The following STOX1 variants were observed in gnomAD, a reference collection of about 807,000 sequenced individuals.
STOX1 encodes the protein storkhead box 1, also known as storkhead-box protein 1.
STOX1 carries 57 observed loss-of-function variants against 74.8 expected under a neutral mutation model. The observed-to-expected ratio is 0.76, with a 90% CI of 0.62 to 0.95. The LOEUF (loss-of-function observed/expected upper bound fraction) is 0.95, where lower values mean the gene tolerates loss of function less well. Among genes scored for constraint, STOX1 ranks in the 40% least tolerant of loss-of-function variants. The probability of loss-of-function intolerance (pLI) is 0.00; values close to 1 mark genes in which losing one functional copy is unlikely to be tolerated. For missense variants in STOX1, 1,010 were observed against 1,117.0 expected (o/e 0.90, Z 1.37); for synonymous variants, 375 against 401.3 (o/e 0.93, Z 0.78).
At chr10:68,850,374 G>A (rs528382604) in intron 1 of STOX1, among the ~76,000 whole-genome samples, 61 of 152,256 alleles carry the variant, frequency 4.0e-4, no homozygotes, top group African/African-American at 1.4e-3. Flanking sequence ...ATATTTGCTG[G>A]TTGAAAGCCT....
At chr10:68,878,564 G>A (rs190235192) in intron 1 of STOX1, among the ~76,000 whole-genome samples, 1 of 152,280 alleles carries the variant, frequency 6.6e-6, no homozygotes, top group East Asian at 1.9e-4. Flanking sequence ...TCATTCCCAG[G>A]CTGCAGAAGC....
At chr10:68,858,843 C>T (rs1840191828) in intron 1 of STOX1, among the ~76,000 whole-genome samples, 1 of 152,088 alleles carries the variant, frequency 6.6e-6, no homozygotes, top group Non-Finnish European at 1.5e-5. Flanking sequence ...GGCAAGGCTG[C>T]AGTTTCTGTG....
intron 1 of STOX1, among the ~76,000 whole-genome samples, chr10:68,848,856 G>A (rs35879464): frequency 0.095 from 14,416 of 152,194 alleles, 897 homozygotes; most frequent in Admixed American, 0.16. Context: ...TTCCTGTAGA[G>A]TTGAGTTCTT....
chr10:68,853,151 C>G lies in STOX1; in HGVS notation c.310+25218C>G, dbSNP rs1050772459. Among the ~76,000 whole-genome samples, 3 of 152,198 alleles carry G rather than the reference C, an allele frequency of 2.0e-5. No individual in the cohort carries two copies. In the South Asian group the frequency reaches 6.2e-4, roughly 32 times the overall value. Reference sequence around the variant, plus strand: ...TGTTAGCCAGGCTGGTCTCAAACTCCTGACCTCAGGTGATCCACCCGCCTC... The same window carrying G: ...TGTTAGCCAGGCTGGTCTCAAACTCGTGACCTCAGGTGATCCACCCGCCTC... On this transcript the variant is annotated intron_variant, in intron 1 of 3. Transcript: ENST00000298596.
At chr10:68,834,105 C>T (rs895363043) in intron 1 of STOX1, among the ~76,000 whole-genome samples, 6 of 152,088 alleles carry the variant, frequency 3.9e-5, no homozygotes, top group Admixed American at 1.3e-4. Flanking sequence ...ATCAGGTTGG[C>T]GAAAGGGAAG....
intron 1 of STOX1, among the ~76,000 whole-genome samples, chr10:68,869,706 A>G (rs1313296598): frequency 6.6e-6 from 1 of 152,212 alleles, no homozygotes; most frequent in African/African-American, 2.4e-5. Flanking sequence ...TTTGCTGTCA[A>G]ATATGATCAG....
intron 3 of STOX1, among the ~76,000 whole-genome samples, chr10:68,887,333 A>AG: frequency 6.6e-6 from 1 of 152,248 alleles, no homozygotes; most frequent in South Asian, 2.1e-4. Context: ...CCCAGGCTGG[A>AG]GTGCAATGGC....
chr10:68,859,938 A>G (rs1254386580), intron 1 of STOX1, among the ~76,000 whole-genome samples: 2 of 151,870 alleles, frequency 1.3e-5, no homozygotes, highest in Non-Finnish European at 2.9e-5. Flanking sequence ...AAATGGTTGC[A>G]TCCTCTGCAA....
rs75614188 is a variant in STOX1 at position 68,838,189 on chromosome 10, C to G, written c.310+10256C>G. Among the ~76,000 whole-genome samples, 785 of 152,022 alleles carry G rather than the reference C, an allele frequency of 5.2e-3. 4 individuals carry two copies. The highest frequency in any genetic ancestry group is 0.017 in the African/African-American group (724 of 41,446). On this transcript the variant is annotated intron_variant, in intron 1 of 3. Coordinates refer to ENST00000298596, the MANE Select transcript of STOX1 (RefSeq NM_152709.5). Reference sequence around the variant, plus strand: ...TTAAGTGATCCTCCCATCTCAGCCTCTCCAGTAGCTGGGACTGCAGGCAGG... The same window carrying G: ...TTAAGTGATCCTCCCATCTCAGCCTGTCCAGTAGCTGGGACTGCAGGCAGG...
At chr10:68,889,978 G>A (rs2132005840) in intron 3 of STOX1, among the ~76,000 whole-genome samples, 1 of 149,438 alleles carries the variant, frequency 6.7e-6, no homozygotes, top group Admixed American at 6.7e-5. Context: ...TAACAGAGAT[G>A]AGGTTTCACC....
rs776344334 is a variant in STOX1, at chr10:68,885,059, AC to A, written c.1265del (p.Pro422LeufsTer50). The part of the protein sequence containing the change: ...VKKRQGLSAK[P>X]QGQGHSRRDR... The stretch of plus-strand genomic sequence containing the variant: ...AGAAAAGGCAGGGTCTGTCTGCAAA[AC>A]CTCAAGGGCAGGGCCATTCTCGAAG... On this transcript the variant is annotated frameshift_variant, in exon 3 of 4. Transcript: ENST00000298596. LOFTEE classifies it high-confidence loss of function. 20 of 1,614,090 alleles carry A rather than the reference AC, an allele frequency of 1.2e-5. No individual in the cohort carries two copies. The highest frequency in any genetic ancestry group is 1.7e-5 in the Non-Finnish European group (20 of 1,180,012).
intron 1 of STOX1, among the ~76,000 whole-genome samples, chr10:68,847,390 G>A (rs1839879280): frequency 7.0e-6 from 1 of 143,026 alleles, no homozygotes; most frequent in South Asian, 2.2e-4. Flanking sequence ...TGGATTTGGG[G>A]ATTGGAAGGT....
intron 1 of STOX1, among the ~76,000 whole-genome samples, chr10:68,860,102 C>T (rs567309299): frequency 6.6e-6 from 1 of 151,924 alleles, no homozygotes; most frequent in East Asian, 1.9e-4. Context: ...CCAGCCTGGC[C>T]AACATGGTGA....
intron 1 of STOX1, among the ~76,000 whole-genome samples, chr10:68,841,181 G>A (rs1306056934): frequency 1.3e-5 from 2 of 151,772 alleles, no homozygotes; most frequent in South Asian, 2.1e-4. Context: ...TCTTGACCTC[G>A]TGATCTGCCC....
chr10:68,864,024 A>G (rs1028210819), intron 1 of STOX1, among the ~76,000 whole-genome samples: 2 of 150,804 alleles, frequency 1.3e-5, no homozygotes, highest in Non-Finnish European at 2.9e-5. Flanking sequence ...TGCCAGGTTC[A>G]TGCCATTCTC....
At chr10:68,890,079 G>C (rs2132005980) in intron 3 of STOX1, among the ~76,000 whole-genome samples, 2 of 151,986 alleles carry the variant, frequency 1.3e-5, no homozygotes, top group South Asian at 4.1e-4. Context: ...ACCTTGGCTG[G>C]GATTACAGGC....
intron 1 of STOX1, among the ~76,000 whole-genome samples, chr10:68,839,918 A>G (rs1474436181): frequency 6.6e-6 from 1 of 152,018 alleles, no homozygotes; most frequent in African/African-American, 2.4e-5. Context: ...ACACACACAA[A>G]CAAAACAAAA....
At position 68,890,649 on chromosome 10, in the gene STOX1, C is replaced by CTTTTT. The variant is rs11366165; in HGVS notation, c.2823-1925_2823-1921dup. On this transcript the variant is annotated intron_variant, in intron 3 of 3. Coordinates refer to ENST00000298596, the MANE Select transcript of STOX1 (RefSeq NM_152709.5). ...CTTTATTGGGGGTGCAAGACCTTTT[C>CTTTTT]TTTTTTTTTTTTTTTTTTTGAGATG... 5.0e-4 allele frequency among the ~76,000 whole-genome samples: 59 copies of CTTTTT among 117,346 alleles called. 1 individual carries two copies. The highest frequency in any genetic ancestry group is 6.8e-4 in the East Asian group (3 of 4,418). 77.0% of individuals were successfully genotyped at this position (117,346 alleles called of 152,430 possible).
chr10:68,868,396 C>T (rs1225167230), intron 1 of STOX1, among the ~76,000 whole-genome samples: 2 of 152,248 alleles, frequency 1.3e-5, no homozygotes, highest in Non-Finnish European at 2.9e-5. Context: ...CCTTAAGGCA[C>T]AGATCGCTCA....
Sources: allele counts gnomAD v4.1 joint callset (sites outside exome capture counted in the v4.1 genomes callset), GRCh38; gene constraint gnomAD v4.1.1; transcripts MANE v1.5; gene names NCBI Gene and HGNC (gene_info 2026-07-23, HGNC 2026-07-21).